Variants in MMP25 observed in about 807,000 individuals in gnomAD.
The protein encoded by MMP25 is matrix metalloproteinase-25.
Under a neutral mutation model 62.1 loss-of-function variants are expected in MMP25, and 68 were observed. That is an observed-to-expected ratio of 1.10 (90% CI 0.90 to 1.34). The LOEUF (loss-of-function observed/expected upper bound fraction) is 1.34, where lower values mean the gene tolerates loss of function less well. MMP25 is among the 40% of genes most tolerant of loss of function. MMP25 has a pLI of 0.00. For synonymous variants in MMP25, 407 were observed against 345.6 expected, an observed-to-expected ratio of 1.18 and a Z score of -1.97; for missense variants, 942 against 792.5, an observed-to-expected ratio of 1.19 and a Z score of -2.26.
At chr16:3,053,079 G>C (rs900346238) in intron 4 of MMP25, 1 of 152,216 alleles carries the variant, frequency 6.6e-6, no homozygotes, top group Non-Finnish European at 1.5e-5. Context: ...TGGGGAGCCT[G>C]AGTGACGGGG....
chr16:3,055,885 T>C (rs1277309053), intron 4 of MMP25: 1 of 455,588 alleles, frequency 2.2e-6, no homozygotes, highest in East Asian at 6.9e-5. Flanking sequence ...GATGAGGAGC[T>C]GGGCTTCAGC....
Position 3,059,795 on chromosome 16 carries a change from C to T in MMP25, c.*697C>T, listed in dbSNP as rs1213890099. The T allele has an allele frequency of 6.6e-6, 1 of 152,384 alleles. No individual in the cohort carries two copies. 9.4% of individuals were successfully genotyped at this position (152,384 alleles called of 1,614,324 possible). ...ACCCCTGAGGACCCATGCGCCACGT[C>T]CTGGGTGGTGGAATCAGTGGCTGGA... On this transcript the variant is annotated 3_prime_UTR_variant, in exon 10 of 10. Transcript: ENST00000336577.
Position 3,050,093 on chromosome 16 carries a change from G to T in MMP25, c.317G>T (p.Arg106Leu). 1 of 1,611,364 alleles carries T rather than the reference G, an allele frequency of 6.2e-7. No individual in the cohort carries two copies. Among genetic ancestry groups the T allele is most frequent in the Non-Finnish European group, 8.5e-7 (1 of 1,179,778 alleles). Residue 106 changes from arginine (R) to leucine (L), a missense_variant, in exon 3 of 10, where the codon CGC (arginine) becomes CTC (leucine). Transcript: ENST00000336577. ...GTGGCGGGGCTGGTCAGGCGGCGTC[G>T]CCGGTACGCTCTGAGCGGCAGCGTG... is the stretch of plus-strand genomic sequence containing the variant. Reference protein sequence around the residue: ...LGVAGLVRRRRRYALSGSVWK... With the variant: ...LGVAGLVRRRLRYALSGSVWK...
chr16:3,057,735 G>A (rs994762906), intron 7 of MMP25, 122 bp downstream of exon 7: 4 of 917,674 alleles, frequency 4.4e-6, no homozygotes, highest in Non-Finnish European at 5.3e-6. Context: ...GTCTTGCTTT[G>A]TTGCCTGGGC....
chr16:3,056,390 T>C (rs1376827923), intron 4 of MMP25, among the ~76,000 whole-genome samples: 2 of 145,378 alleles, frequency 1.4e-5, no homozygotes, highest in African/African-American at 5.4e-5. Context: ...TTATTTTCTT[T>C]TTCTTTTTTT....
intron 4 of MMP25, chr16:3,051,604 G>C (rs1002227966): frequency 6.6e-6 from 1 of 152,186 alleles, no homozygotes; most frequent in Admixed American, 6.5e-5. Flanking sequence ...AGGCCTAGCA[G>C]GTGCCTAGCT....
At chr16:3,047,602 C>T in intron 2 of MMP25, 55 bp downstream of exon 2, 1 of 1,582,776 alleles carries the variant, frequency 6.3e-7, no homozygotes, top group Non-Finnish European at 8.6e-7. Flanking sequence ...CTGTCCACCG[C>T]CCAACAGCCT....
chr16:3,059,316 C>G lies in MMP25; in HGVS notation c.*218C>G, dbSNP rs1368292728. 10 of 451,680 alleles carry G rather than the reference C, an allele frequency of 2.2e-5. No homozygotes were observed. Among genetic ancestry groups the G allele is most frequent in the East Asian group, 3.6e-5 (1 of 27,858 alleles). 28.0% of individuals were successfully genotyped at this position (451,680 alleles called of 1,614,324 possible). On this transcript the variant is annotated 3_prime_UTR_variant, in exon 10 of 10. Coordinates refer to ENST00000336577, the MANE Select transcript of MMP25 (RefSeq NM_022468.5). ...TCAGTCTCCTCAGGGTCTGAGACCC[C>G]GGCGCTGCCACCGGAACCCGCCTTC...
In MMP25 at chr16:3,058,300, C is replaced by T. The variant is rs764029492; in HGVS notation, c.1126C>T (p.Arg376Trp). Reference protein sequence around the residue: ...QVRVVQAAYARHRDGRILLFS... With the variant: ...QVRVVQAAYAWHRDGRILLFS... ...GAGGGTGGTGCAGGCCGCCTATGCT[C>T]GGCACCGAGACGGCCGAATCCTCCT... Residue 376 changes from arginine (R) to tryptophan (W), a missense_variant, in exon 8 of 10, where the codon CGG (arginine) becomes TGG (tryptophan). Coordinates refer to ENST00000336577, the MANE Select transcript of MMP25 (RefSeq NM_022468.5). 9.3e-6 allele frequency: 15 copies of T among 1,605,080 alleles called. No individual in the cohort carries two copies. The highest frequency in any genetic ancestry group is 1.2e-5 in the Non-Finnish European group (14 of 1,177,410).
In MMP25 at chr16:3,048,116, G is replaced by A. The variant is rs1041865117; in HGVS notation, c.232+569G>A. 1.1e-4 allele frequency among the ~76,000 whole-genome samples: 17 copies of A among 152,212 alleles called. 1 individual carries two copies. Among genetic ancestry groups the A allele is most frequent in the Admixed American group, 7.9e-4 (12 of 15,284 alleles). Reference sequence around the variant, plus strand: ...GGCCTCCCAAAGTCCTGGGATTACAGGTGTGAGCCACCGTGCCCAGTCCTC... The same window carrying A: ...GGCCTCCCAAAGTCCTGGGATTACAAGTGTGAGCCACCGTGCCCAGTCCTC... On this transcript the variant is annotated intron_variant, in intron 2 of 9. Coordinates refer to ENST00000336577, the MANE Select transcript of MMP25 (RefSeq NM_022468.5).
intron 4 of MMP25, chr16:3,053,327 C>T (rs1419134780): frequency 1.3e-5 from 2 of 149,468 alleles, no homozygotes; most frequent in African/African-American, 4.9e-5. Flanking sequence ...AAGTGAGACC[C>T]TGTCACACAC....
chr16:3,057,167 C>A lies in MMP25; in HGVS notation c.796C>A (p.Arg266Ser). Residue 266 changes from arginine to serine, a missense_variant, in exon 5 of 10, where the codon CGC (arginine) becomes AGC (serine). Physicochemically the swap from Arg to Ser is moderately radical, Grantham distance 110. Transcript: ENST00000336577. ...QGPVGDPDKYRLSQDDRDGLQ... is the reference protein window; with the variant it reads ...QGPVGDPDKYSLSQDDRDGLQ... Reference sequence around the variant, plus strand: ...TCCGGTGGGCGACCCTGACAAGTACCGCCTGTCTCAGGATGACCGCGATGG... The same window carrying A: ...TCCGGTGGGCGACCCTGACAAGTACAGCCTGTCTCAGGATGACCGCGATGG... 3 of 1,612,802 alleles carry A rather than the reference C, an allele frequency of 1.9e-6. No homozygotes were observed. The Middle Eastern group carries it at 5.0e-4, about 267-fold the overall frequency.
intron 2 of MMP25, 75 bp downstream of exon 2, chr16:3,047,622 A>C: frequency 4.2e-5 from 64 of 1,508,068 alleles, no homozygotes; most frequent in Non-Finnish European, 5.5e-5. Flanking sequence ...TTTAGACCTC[A>C]GTGTGCTCCT....
intron 2 of MMP25, 149 bp downstream of exon 2, chr16:3,047,696 CT>C: frequency 1.2e-6 from 1 of 865,298 alleles, no homozygotes; most frequent in Non-Finnish European, 1.7e-6. Flanking sequence ...AGGCGTTCAT[CT>C]TTCCATAAGC....
In MMP25 at chr16:3,059,229, A is replaced by G; in HGVS notation, c.*131A>G. The G allele has an allele frequency of 9.2e-7, 1 of 1,087,204 alleles. No homozygotes were observed. Among genetic ancestry groups the G allele is most frequent in the Admixed American group, 3.4e-5 (1 of 29,620 alleles). The allele number at this position is 1,087,204 out of a possible 1,614,324, so 67.3% of individuals were successfully genotyped here. ...ACGGACGGGGGCTCGGGCGCGGACT[A>G]AGCAGGGGGGATCTCCCGCGCAGGG... On this transcript the variant is annotated 3_prime_UTR_variant, in exon 10 of 10. Coordinates refer to ENST00000336577, the MANE Select transcript of MMP25 (RefSeq NM_022468.5).
chr16:3,046,825 C>A lies in MMP25; in HGVS notation c.-93C>A. ...TACTCGGTGCCGGGTGCCCCCCGCC[C>A]TCTCCAGGCCCGGATCTCCTCCCCC... On this transcript the variant is annotated 5_prime_UTR_variant, in exon 1 of 10. Coordinates refer to ENST00000336577, the MANE Select transcript of MMP25 (RefSeq NM_022468.5). The A allele has an allele frequency of 4.6e-6, 3 of 656,814 alleles. No individual in the cohort carries two copies. The highest frequency in any genetic ancestry group is 6.9e-6 in the Non-Finnish European group (3 of 433,466). 40.7% of individuals were successfully genotyped at this position (656,814 alleles called of 1,614,324 possible).
rs1404021862 is a variant in MMP25 at position 3,050,695 on chromosome 16, C to A, written c.661+149C>A. The A allele has an allele frequency of 7.9e-6, 6 of 763,230 alleles. 1 individual carries two copies. Among genetic ancestry groups the A allele is most frequent in the Non-Finnish European group, 1.2e-5 (6 of 518,990 alleles). 47.3% of individuals were successfully genotyped at this position (763,230 alleles called of 1,614,324 possible). A position where few individuals can be genotyped will look rare whatever the true frequency, so the allele number is the denominator to read the frequency against. ...GTGGTGCAATCATAGCTAACTGCAA[C>A]CACGAACTTCTGGCTCAAGCAATCC... is the stretch of plus-strand genomic sequence containing the variant. On this transcript the variant is annotated intron_variant, in intron 4 of 9. Transcript: ENST00000336577.
Position 3,059,166 on chromosome 16 carries a change from G to C in MMP25, c.*68G>C, listed in dbSNP as rs1196971696. The C allele has an allele frequency of 1.4e-6, 2 of 1,451,928 alleles. No individual in the cohort carries two copies. The highest frequency in any genetic ancestry group is 5.0e-5 in the East Asian group (2 of 39,684). 89.9% of individuals were successfully genotyped at this position (1,451,928 alleles called of 1,614,324 possible). ...GTCCCCCGCCGCTGGACCTGGTCGG[G>C]GGTTGTGAGGCGCTGCGGAGGCCCC... On this transcript the variant is annotated 3_prime_UTR_variant, in exon 10 of 10. Transcript: ENST00000336577.
chr16:3,058,583 C>G lies in MMP25; in HGVS notation c.1331C>G (p.Ala444Gly). The change falls in exon 9 of 10, where the codon GCG becomes GGG. Residue 444 changes from alanine to glycine, a missense_variant. By Grantham distance (60) the Ala-to-Gly change is moderately conservative. Coordinates refer to ENST00000336577, the MANE Select transcript of MMP25 (RefSeq NM_022468.5). ...TACTGGCGCTACGACGAGGCGGCGGCGCGCCCGGACCCCGGCTACCCTCGC... is the reference window on the plus strand; with the variant it reads ...TACTGGCGCTACGACGAGGCGGCGGGGCGCCCGGACCCCGGCTACCCTCGC... ...RQYWRYDEAA[A>G]RPDPGYPRDL... The G allele has an allele frequency of 6.2e-7, 1 of 1,607,954 alleles. No individual in the cohort carries two copies. The highest frequency in any genetic ancestry group is 1.1e-5 in the South Asian group (1 of 90,634).
Sources: allele counts gnomAD v4.1 joint callset (sites outside exome capture counted in the v4.1 genomes callset), GRCh38; gene constraint gnomAD v4.1.1; transcripts MANE v1.5; gene names NCBI Gene and HGNC (gene_info 2026-07-23, HGNC 2026-07-21).